The following MYO1H variants were observed in gnomAD, a reference collection of about 807,000 sequenced individuals.
MYO1H encodes the protein myosin IH.
MYO1H carries 118 observed loss-of-function variants against 149.3 expected under a neutral mutation model. The ratio of observed to expected loss-of-function variants is 0.79; its 90% CI spans 0.68 to 0.92. The LOEUF (loss-of-function observed/expected upper bound fraction) is 0.92. Among genes scored for constraint, MYO1H ranks in the 40% least tolerant of loss-of-function variants. The pLI is 0.00. For missense variants in MYO1H, 1,212 were observed against 1,280.7 expected (o/e 0.95, Z 0.82); for synonymous variants, 447 against 465.2 (o/e 0.96, Z 0.50).
chr12:109,319,702 T>C, the MYO1H span, among the ~76,000 whole-genome samples: 1 of 152,136 alleles, frequency 6.6e-6, no homozygotes, highest in Non-Finnish European at 1.5e-5. Context: ...TAAAGACATT[T>C]GGGGCTGGAT....
At chr12:109,345,224 A>T (rs1370491959), upstream of MYO1H, among the ~76,000 whole-genome samples, 1 of 152,224 alleles carries the variant, frequency 6.6e-6, no homozygotes, top group Non-Finnish European at 1.5e-5. Context: ...AAGTTCTAGT[A>T]TCCAGAATAT....
intron 25 of MYO1H, 134 bp downstream of exon 25, chr12:109,440,961 A>T: frequency 1.5e-6 from 1 of 685,926 alleles, no homozygotes; most frequent in Admixed American, 2.4e-5. Flanking sequence ...AATGTTCAAG[A>T]TAATTGCAGG....
intron 1 of MYO1H, among the ~76,000 whole-genome samples, chr12:109,373,880 G>A (rs1303064578): frequency 1.3e-5 from 2 of 152,084 alleles, no homozygotes; most frequent in African/African-American, 2.4e-5. Flanking sequence ...CCAGCTACTC[G>A]GGAGGCTGAG....
At chr12:109,311,789 T>G in the MYO1H span, among the ~76,000 whole-genome samples, 1 of 152,206 alleles carries the variant, frequency 6.6e-6, no homozygotes, top group Non-Finnish European at 1.5e-5. Context: ...AGATTCCCTA[T>G]TAGCACGATT....
At chr12:109,310,624 T>TA in the MYO1H span, among the ~76,000 whole-genome samples, 4 of 151,904 alleles carry the variant, frequency 2.6e-5, no homozygotes, top group South Asian at 2.1e-4. Context: ...TTTTTTTTTT[T>TA]AAACCCAGTG....
chr12:109,401,268 C>T (rs767442448), exon 6 of MYO1H: 3 of 1,609,586 alleles, frequency 1.9e-6, no homozygotes, highest in Non-Finnish European at 2.5e-6. Flanking sequence ...AAATACCTCT[C>T]ACAGGTGGGA....
chr12:109,354,955 GC>G (rs1269634540), intron 1 of MYO1H, among the ~76,000 whole-genome samples: 3 of 152,306 alleles, frequency 2.0e-5, no homozygotes, highest in Admixed American at 2.0e-4. Context: ...GTCCTCCTTG[GC>G]AAGGTTAGTA....
intron 9 of MYO1H, among the ~76,000 whole-genome samples, chr12:109,407,122 G>A (rs1421203597): frequency 6.6e-6 from 1 of 151,968 alleles, no homozygotes; most frequent in Non-Finnish European, 1.5e-5. Context: ...TCCTTCTGCT[G>A]GAACACTGTT....
exon 32 of MYO1H, chr12:109,448,328 T>C (rs1427051062): frequency 6.6e-6 from 1 of 152,230 alleles, no homozygotes; most frequent in African/African-American, 2.4e-5. Context: ...TTCCTAAAGC[T>C]GTGAAATTTG....
At chr12:109,315,590 TA>T in the MYO1H span, among the ~76,000 whole-genome samples, 2 of 152,206 alleles carry the variant, frequency 1.3e-5, no homozygotes, top group African/African-American at 4.8e-5. Context: ...GTTTTTTCTT[TA>T]AAAATCGAAA....
At chr12:109,382,946 T>TA (rs1042186610) in intron 1 of MYO1H, among the ~76,000 whole-genome samples, 2 of 149,370 alleles carry the variant, frequency 1.3e-5, no homozygotes, top group Non-Finnish European at 3.0e-5. Context: ...AAAGATGAAG[T>TA]AAAAAATAAT....
chr12:109,347,214 T>A (rs1463135302), upstream of MYO1H, among the ~76,000 whole-genome samples: 1 of 152,084 alleles, frequency 6.6e-6, no homozygotes, highest in East Asian at 1.9e-4. Context: ...AGGCATACAA[T>A]GTGGTGGGTG....
intron 1 of MYO1H, among the ~76,000 whole-genome samples, chr12:109,379,953 G>A (rs1449690055): frequency 2.6e-5 from 4 of 151,994 alleles, no homozygotes; most frequent in Admixed American, 2.0e-4. Context: ...GCATGGTGTC[G>A]ATGTCTTAAC....
rs1592824067 is a variant in MYO1H at position 109,443,352 on chromosome 12, A to ATG, written c.2689-161_2689-160insGT. Among the ~76,000 whole-genome samples, 16 of 95,968 alleles carry ATG rather than the reference A, an allele frequency of 1.7e-4. 1 individual carries two copies. Among genetic ancestry groups the ATG allele is most frequent in the African/African-American group, 5.5e-4 (11 of 20,078 alleles). 63.0% of individuals were successfully genotyped at this position (95,968 alleles called of 152,430 possible). A position where few individuals can be genotyped will look rare whatever the true frequency, so the allele number is the denominator to read the frequency against. On this transcript the variant is annotated intron_variant, in intron 27 of 31. Transcript: ENST00000310903. ...TGTATGTGTACGTATATATGTGTGT[A>ATG]TATACACACACACACACACACACAC...
intron 24 of MYO1H, among the ~76,000 whole-genome samples, chr12:109,440,318 G>A (rs1872064485): frequency 1.3e-5 from 2 of 152,156 alleles, no homozygotes; most frequent in Non-Finnish European, 2.9e-5. Flanking sequence ...TTACAGGTGC[G>A]AGTCACCGTG....
At chr12:109,317,711 G>A in the MYO1H span, among the ~76,000 whole-genome samples, 2 of 152,192 alleles carry the variant, frequency 1.3e-5, no homozygotes, top group African/African-American at 4.8e-5. Flanking sequence ...CTCCACTCTG[G>A]TTTTAAGGCT....
chr12:109,353,478 T>C (rs1413264616), intron 1 of MYO1H, among the ~76,000 whole-genome samples: 1 of 151,994 alleles, frequency 6.6e-6, no homozygotes, highest in Non-Finnish European at 1.5e-5. Flanking sequence ...TTCCTAAACT[T>C]GTAATTCTAG....
intron 1 of MYO1H, among the ~76,000 whole-genome samples, chr12:109,353,170 T>C (rs562122291): frequency 6.6e-6 from 1 of 152,004 alleles, no homozygotes; most frequent in Non-Finnish European, 1.5e-5. Context: ...CCGAAGTGGA[T>C]GGATCACCTG....
At chr12:109,400,667 G>A (rs1263086652) in intron 5 of MYO1H, among the ~76,000 whole-genome samples, 5 of 152,158 alleles carry the variant, frequency 3.3e-5, no homozygotes, top group Non-Finnish European at 7.4e-5. Flanking sequence ...AGTCCAGAAA[G>A]GATAGAGTTC....
Sources: gnomAD v4.1 joint callset for allele counts (sites outside exome capture counted in the v4.1 genomes callset) on GRCh38, gnomAD v4.1.1 for gene constraint, MANE v1.5 for transcripts, NCBI Gene and HGNC (gene_info 2026-07-23, HGNC 2026-07-21) for gene names.